SLC44A5: variants seen among roughly 807,000 people sequenced by gnomAD.
SLC44A5 encodes the protein solute carrier family 44 member 5.
SLC44A5 carries 57 observed loss-of-function variants against 101.8 expected under a neutral mutation model. The ratio of observed to expected loss-of-function variants is 0.56; its 90% CI spans 0.45 to 0.70. SLC44A5 has a LOEUF of 0.70. SLC44A5 is among the 30% of genes least tolerant of loss of function. The probability of loss-of-function intolerance (pLI) is 0.00; values close to 1 mark genes in which losing one functional copy is unlikely to be tolerated. For missense variants in SLC44A5, 737 were observed against 853.1 expected (o/e 0.86, Z 1.70); for synonymous variants, 281 against 290.9 (o/e 0.97, Z 0.35).
intron 9 of SLC44A5, among the ~76,000 whole-genome samples, chr1:75,241,359 G>C (rs1001077219): frequency 5.3e-5 from 8 of 151,836 alleles, no homozygotes; most frequent in African/African-American, 1.5e-4. Context: ...AAGTAGCTGG[G>C]ATTACAAGTG....
At chr1:75,672,238 C>G in the SLC44A5 span, among the ~76,000 whole-genome samples, 1 of 152,160 alleles carries the variant, frequency 6.6e-6, no homozygotes, top group Admixed American at 6.5e-5. Context: ...CCACCCTTCC[C>G]CCATCCCCTG....
At chr1:75,458,433 A>T (rs1305992067) in intron 2 of SLC44A5, among the ~76,000 whole-genome samples, 1 of 152,184 alleles carries the variant, frequency 6.6e-6, no homozygotes, top group African/African-American at 2.4e-5. Flanking sequence ...TTAGGAAAAA[A>T]CATACAGTTT....
intron 1 of SLC44A5, among the ~76,000 whole-genome samples, chr1:75,587,798 G>C (rs1460712267): frequency 6.6e-6 from 1 of 152,050 alleles, no homozygotes; most frequent in Non-Finnish European, 1.5e-5. Context: ...TTCCTTTTCA[G>C]TTGGGCCCTA....
At position 75,610,802 on chromosome 1, in the gene SLC44A5, C is replaced by T. The variant is rs1304171609; in HGVS notation, c.-70+238G>A. ...AGTCCATTGGGTCACCTTACTTGGC[C>T]TAGGGAGCTGATGTAAAAATACTAC... On this transcript the variant is annotated intron_variant, in intron 1 of 23. Transcript: ENST00000370859. Among the ~76,000 whole-genome samples, 6 of 152,124 alleles carry T rather than the reference C, an allele frequency of 3.9e-5. No individual in the cohort carries two copies. In the East Asian group the frequency reaches 9.7e-4, roughly 25 times the overall value.
rs1675637502 is a variant in SLC44A5 at position 75,611,110 on chromosome 1, C to A, written c.-140G>T. ...TCTAACTCTAACATGCTACGATTCA[C>A]TACTGTGAAAAAAAAGCTGATGTCA... On this transcript the variant is annotated 5_prime_UTR_variant, in exon 1 of 24. Transcript: ENST00000370859. The A allele has an allele frequency of 6.1e-6, 6 of 985,196 alleles. No individual in the cohort carries two copies. Among genetic ancestry groups the A allele is most frequent in the Non-Finnish European group, 7.2e-6 (6 of 829,836 alleles). The allele number at this position is 985,196 out of a possible 1,614,324, so 61.0% of individuals were successfully genotyped here. A position where few individuals can be genotyped will look rare whatever the true frequency, so the allele number is the denominator to read the frequency against.
chr1:75,237,599 A>G (rs188350511), intron 10 of SLC44A5, among the ~76,000 whole-genome samples: 5 of 152,058 alleles, frequency 3.3e-5, no homozygotes, highest in Admixed American at 3.3e-4. Context: ...CCCTTCCTCA[A>G]AGTAACCACT....
At chr1:75,217,327 T>C (rs967942939) in intron 18 of SLC44A5, among the ~76,000 whole-genome samples, 1 of 152,122 alleles carries the variant, frequency 6.6e-6, no homozygotes, top group African/African-American at 2.4e-5. Flanking sequence ...TGTAGATTTA[T>C]GATAAGTTTT....
intron 19 of SLC44A5, 132 bp downstream of exon 19, chr1:75,215,622 T>C: frequency 1.7e-6 from 1 of 573,578 alleles, no homozygotes; most frequent in Non-Finnish European, 3.1e-6. Flanking sequence ...ATGCATTGGA[T>C]TCACAGGCCT....
At chr1:75,607,101 T>C (rs960456976) in intron 1 of SLC44A5, among the ~76,000 whole-genome samples, 16 of 152,178 alleles carry the variant, frequency 1.1e-4, no homozygotes, top group Admixed American at 8.5e-4. Flanking sequence ...CTTGTCATCT[T>C]CACTTGTATA....
chr1:75,293,181 A>G (rs1465336499), intron 5 of SLC44A5, among the ~76,000 whole-genome samples: 1 of 152,226 alleles, frequency 6.6e-6, no homozygotes, highest in Non-Finnish European at 1.5e-5. Flanking sequence ...AAATTTATTC[A>G]GGCAAATTAT....
intron 3 of SLC44A5, among the ~76,000 whole-genome samples, chr1:75,347,685 A>AGTGTGT (rs10677527): frequency 0.014 from 2,093 of 148,026 alleles, 62 homozygotes; most frequent in African/African-American, 0.047. Flanking sequence ...AGTGGTGGTG[A>AGTGTGT]GTGTGTGTGT....
intron 2 of SLC44A5, among the ~76,000 whole-genome samples, chr1:75,464,289 C>T (rs1237224004): frequency 6.7e-6 from 1 of 149,624 alleles, no homozygotes; most frequent in African/African-American, 2.5e-5. Context: ...AAAGCTAAGG[C>T]ATAGAGTCTT....
At chr1:75,530,657 T>C (rs767885187) in intron 2 of SLC44A5, among the ~76,000 whole-genome samples, 3 of 152,210 alleles carry the variant, frequency 2.0e-5, no homozygotes. Flanking sequence ...TACCCACTAA[T>C]TGCTCTCAGT....
Position 75,541,588 on chromosome 1 carries a change from G to A in SLC44A5, c.-69-72C>T, listed in dbSNP as rs1004743297. 2.5e-5 allele frequency: 24 copies of A among 953,670 alleles called. 1 individual carries two copies. In the South Asian group the frequency reaches 4.3e-4, roughly 17 times the overall value. 59.1% of individuals were successfully genotyped at this position (953,670 alleles called of 1,614,324 possible). A position where few individuals can be genotyped will look rare whatever the true frequency, so the allele number is the denominator to read the frequency against. On this transcript the variant is annotated intron_variant, in intron 1 of 23. Coordinates refer to ENST00000370859, the MANE Select transcript of SLC44A5 (RefSeq NM_001130058.2). ...TTTACTCATTAACAACTAACCTTTTGGGAATGCTCTCATAACTTACTATAA... is the reference window on the plus strand; with the variant it reads ...TTTACTCATTAACAACTAACCTTTTAGGAATGCTCTCATAACTTACTATAA...
At chr1:75,376,617 G>A (rs1219470365) in intron 3 of SLC44A5, among the ~76,000 whole-genome samples, 2 of 151,854 alleles carry the variant, frequency 1.3e-5, no homozygotes, top group African/African-American at 4.8e-5. Flanking sequence ...GCAGCTGAGG[G>A]TCCTGTCTGT....
chr1:75,654,130 A>G, the SLC44A5 span, among the ~76,000 whole-genome samples: 1 of 152,204 alleles, frequency 6.6e-6, no homozygotes, highest in Non-Finnish European at 1.5e-5. Flanking sequence ...TTTGACCCTT[A>G]ATTGTTACAA....
chr1:75,329,922 G>T (rs1656891829), intron 4 of SLC44A5, among the ~76,000 whole-genome samples: 1 of 151,950 alleles, frequency 6.6e-6, no homozygotes, highest in African/African-American at 2.4e-5. Context: ...ACTACGTGAA[G>T]CATTCCAGGG....
intron 2 of SLC44A5, among the ~76,000 whole-genome samples, chr1:75,445,040 T>C (rs1207370214): frequency 2.0e-5 from 3 of 152,162 alleles, no homozygotes. Flanking sequence ...GTAAATTCTC[T>C]TGGTATTTCC....
chr1:75,255,551 G>A (rs1240235313), intron 6 of SLC44A5, among the ~76,000 whole-genome samples: 2 of 151,880 alleles, frequency 1.3e-5, no homozygotes, highest in Admixed American at 6.6e-5. Flanking sequence ...GCACTGAGAC[G>A]AATCCAGGTA....
Sources: gnomAD v4.1 joint callset for allele counts (sites outside exome capture counted in the v4.1 genomes callset) on GRCh38, gnomAD v4.1.1 for gene constraint, MANE v1.5 for transcripts, NCBI Gene and HGNC (gene_info 2026-07-23, HGNC 2026-07-21) for gene names.